CMIP: variants seen among roughly 807,000 people sequenced by gnomAD.
CMIP encodes the protein C-Maf-inducing protein.
A neutral mutation model predicts 97.3 loss-of-function variants in CMIP; 13 were observed. The observed-to-expected ratio is 0.13, with a 90% confidence interval of 0.09 to 0.21. The LOEUF is 0.21. Ranked by LOEUF, CMIP falls within the 10% of genes least tolerant of loss-of-function variation. The pLI is 1.00. For synonymous variants in CMIP, 538 were observed against 436.3 expected (o/e 1.23, Z -2.91); for missense variants, 847 against 1,024.9 (o/e 0.83, Z 2.37).
At chr16:81,681,193 C>T (rs1297637344) in intron 10 of CMIP, among the ~76,000 whole-genome samples, 1 of 152,218 alleles carries the variant, frequency 6.6e-6, no homozygotes, top group Non-Finnish European at 1.5e-5. Flanking sequence ...CCTCTTCCAT[C>T]TTCGGGGAGC....
At chr16:81,562,913 T>A (rs1275556922) in intron 1 of CMIP, among the ~76,000 whole-genome samples, 3 of 152,206 alleles carry the variant, frequency 2.0e-5, no homozygotes, top group African/African-American at 7.2e-5. Flanking sequence ...CCCTTGCCCT[T>A]GTCTGCTGGG....
chr16:81,584,961 G>A lies in CMIP; in HGVS notation c.301-22606G>A, dbSNP rs2091357686. ...ATGGCCATTTTAATATCACCCGTAA[G>A]TTTGGAAAATTCTTAGAATTCATTG... On this transcript the variant is annotated intron_variant, in intron 1 of 20. Transcript: ENST00000537098. 2.0e-5 allele frequency among the ~76,000 whole-genome samples: 3 copies of A among 152,240 alleles called. No homozygotes were observed. In the South Asian group the frequency reaches 6.2e-4, roughly 31 times the overall value.
At chr16:81,558,402 C>T (rs920368104) in intron 1 of CMIP, among the ~76,000 whole-genome samples, 5 of 152,208 alleles carry the variant, frequency 3.3e-5, no homozygotes, top group South Asian at 2.1e-4. Context: ...GGAAATGGAA[C>T]GTCTGGATGA....
intron 1 of CMIP, among the ~76,000 whole-genome samples, chr16:81,449,350 G>T (rs1362005714): frequency 2.0e-5 from 3 of 152,150 alleles, no homozygotes; most frequent in African/African-American, 4.8e-5. Flanking sequence ...GATGGGAAAG[G>T]AGAAGCCACC....
intron 1 of CMIP, among the ~76,000 whole-genome samples, chr16:81,486,477 G>A (rs1053266698): frequency 3.3e-5 from 5 of 152,194 alleles, no homozygotes; most frequent in Admixed American, 1.3e-4. Context: ...CTAGGAAATT[G>A]CACTTCGGGT....
chr16:81,645,335 G>T, intron 3 of CMIP: 2 of 1,379,604 alleles, frequency 1.4e-6, no homozygotes, highest in Non-Finnish European at 1.9e-6. Context: ...ACGACAGGTG[G>T]TGGGGAGCAT....
chr16:81,520,574 G>A (rs1399895598), intron 1 of CMIP: 10 of 131,378 alleles, frequency 7.6e-5, no homozygotes, highest in African/African-American at 2.7e-4. Context: ...AAGGGGGAGA[G>A]AGAGAGAGAG....
intron 1 of CMIP, among the ~76,000 whole-genome samples, chr16:81,604,200 C>CCTGG (rs1293346482): frequency 1.4e-5 from 2 of 145,908 alleles, no homozygotes; most frequent in Non-Finnish European, 3.1e-5. Context: ...TCGAGACCAG[C>CCTGG]CTGGCCAACA....
intron 1 of CMIP, among the ~76,000 whole-genome samples, chr16:81,452,280 C>T (rs1906265673): frequency 6.6e-6 from 1 of 152,136 alleles, no homozygotes; most frequent in African/African-American, 2.4e-5. Context: ...TGACCTTGGG[C>T]AGGTCCCCTA....
At chr16:81,648,479 G>A (rs549065680) in intron 3 of CMIP, among the ~76,000 whole-genome samples, 242 of 152,222 alleles carry the variant, frequency 1.6e-3, no homozygotes, top group African/African-American at 5.6e-3. Flanking sequence ...TGGGCACACG[G>A]CAGTCAGAAG....
At chr16:81,545,367 C>T (rs945648077) in intron 1 of CMIP, among the ~76,000 whole-genome samples, 7 of 152,180 alleles carry the variant, frequency 4.6e-5, no homozygotes, top group Admixed American at 6.5e-5. Context: ...TGATGCTTCT[C>T]GCAGTGAAGG....
chr16:81,447,969 T>C (rs541298173), intron 1 of CMIP, among the ~76,000 whole-genome samples: 1 of 152,362 alleles, frequency 6.6e-6, no homozygotes, highest in East Asian at 1.9e-4. Context: ...CCCTGAGGCC[T>C]GGACATTATG....
chr16:81,532,198 A>G (rs528294778), intron 1 of CMIP, among the ~76,000 whole-genome samples: 1 of 152,324 alleles, frequency 6.6e-6, no homozygotes, highest in East Asian at 1.9e-4. Flanking sequence ...TCAGGAGTCC[A>G]TGCTTTCTGC....
intron 1 of CMIP, among the ~76,000 whole-genome samples, chr16:81,445,885 G>C (rs1905804037): frequency 6.6e-6 from 1 of 151,888 alleles, no homozygotes; most frequent in East Asian, 1.9e-4. Context: ...GATGGTGGTG[G>C]GGGTTCTCTC....
intron 18 of CMIP, 82 bp downstream of exon 18, chr16:81,704,167 T>C: frequency 1.7e-6 from 2 of 1,185,154 alleles, no homozygotes; most frequent in Admixed American, 4.7e-5. Flanking sequence ...CCGTACCATC[T>C]TCCTTTCCCC....
chr16:81,708,045 G>C (rs1908344716), intron 20 of CMIP, among the ~76,000 whole-genome samples: 1 of 152,262 alleles, frequency 6.6e-6, no homozygotes, highest in Non-Finnish European at 1.5e-5. Flanking sequence ...CCAGGCCCAT[G>C]TCAGGGACAG....
chr16:81,626,406 G>T (rs548219597), intron 3 of CMIP, among the ~76,000 whole-genome samples: 1 of 151,236 alleles, frequency 6.6e-6, no homozygotes, highest in Non-Finnish European at 1.5e-5. Context: ...GTGGCGTGTG[G>T]GGTGACTATG....
intron 1 of CMIP, among the ~76,000 whole-genome samples, chr16:81,569,166 C>T (rs184495034): frequency 1.1e-4 from 17 of 152,292 alleles, no homozygotes; most frequent in Non-Finnish European, 1.9e-4. Flanking sequence ...GTGACCTCAC[C>T]TGGTTCTCTC....
At chr16:81,514,802 T>C (rs2089880842) in intron 1 of CMIP, among the ~76,000 whole-genome samples, 1 of 152,140 alleles carries the variant, frequency 6.6e-6, no homozygotes, top group Non-Finnish European at 1.5e-5. Context: ...TTAAGTGACT[T>C]AATACACAAT....
Sources: allele counts gnomAD v4.1 joint callset (sites outside exome capture counted in the v4.1 genomes callset), GRCh38; gene constraint gnomAD v4.1.1; transcripts MANE v1.5; gene names NCBI Gene and HGNC (gene_info 2026-07-23, HGNC 2026-07-21).